KCNMA1: variants seen among roughly 807,000 people sequenced by gnomAD.
The protein encoded by KCNMA1 is potassium calcium-activated channel subfamily M alpha 1.
Under a neutral mutation model 140.0 loss-of-function variants are expected in KCNMA1, and 29 were observed. The observed-to-expected ratio is 0.21, with a 90% CI of 0.15 to 0.28. The LOEUF is 0.28. KCNMA1 is among the 10% of genes least tolerant of loss of function. The pLI, the probability that KCNMA1 is intolerant of heterozygous loss-of-function variation, is 1.00. For synonymous variants in KCNMA1, 612 were observed against 611.9 expected, an observed-to-expected ratio of 1.00 and a Z score of 0.00; for missense variants, 880 against 1,602.2, an observed-to-expected ratio of 0.55 and a Z score of 7.70.
At chr10:77,401,315 C>T (rs1317231023) in intron 2 of KCNMA1, among the ~76,000 whole-genome samples, 3 of 152,056 alleles carry the variant, frequency 2.0e-5, no homozygotes, top group Non-Finnish European at 2.9e-5. Context: ...CGCCACCACA[C>T]TGGCTAATTT....
chr10:77,303,010 C>A (rs1390960710), intron 2 of KCNMA1, among the ~76,000 whole-genome samples: 2 of 152,218 alleles, frequency 1.3e-5, no homozygotes, highest in East Asian at 3.9e-4. Context: ...TCACTGAGTT[C>A]AAATCCCCAT....
At chr10:77,134,262 C>A (rs959790461) in intron 5 of KCNMA1, among the ~76,000 whole-genome samples, 1 of 151,998 alleles carries the variant, frequency 6.6e-6, no homozygotes, top group Non-Finnish European at 1.5e-5. Context: ...TGTTTAAAAT[C>A]ATAATAAACA....
At chr10:77,296,912 C>A (rs817988) in intron 2 of KCNMA1, among the ~76,000 whole-genome samples, 16 of 136,696 alleles carry the variant, frequency 1.2e-4, no homozygotes, top group South Asian at 5.2e-4. Context: ...GGTGTGTGGG[C>A]GGGGGGGCGG....
At chr10:76,928,309 ACG>A (rs10558950) in intron 23 of KCNMA1, among the ~76,000 whole-genome samples, 47,576 of 95,662 alleles carry the variant, frequency 0.5, 8,228 homozygotes, top group Admixed American at 0.58. Flanking sequence ...ACACACACAC[ACG>A]CACATACACA....
At position 77,083,500 on chromosome 10, in the gene KCNMA1, G is replaced by GT. The variant is rs961022976; in HGVS notation, c.1523+1136dup. Among the ~76,000 whole-genome samples, 70 of 91,592 alleles carry GT rather than the reference G, an allele frequency of 7.6e-4. 1 individual carries two copies. The East Asian group carries it at 0.025, about 33-fold the overall frequency. 60.1% of individuals were successfully genotyped at this position (91,592 alleles called of 152,430 possible). ...CAGTATGACCTCCCCTAGATGTTCT[G>GT]TAAAAAAAAAAAAAAAAAAAAAAGG... On this transcript the variant is annotated intron_variant, in intron 12 of 27. Coordinates refer to ENST00000286628, the MANE Select transcript of KCNMA1 (RefSeq NM_001161352.2).
At chr10:76,916,876 C>T (rs985627856) in intron 23 of KCNMA1, among the ~76,000 whole-genome samples, 2 of 152,200 alleles carry the variant, frequency 1.3e-5, no homozygotes, top group African/African-American at 4.8e-5. Context: ...CCCGTGTATA[C>T]ATTTCTTATC....
chr10:77,320,556 G>T (rs1203299687), intron 2 of KCNMA1, among the ~76,000 whole-genome samples: 1 of 152,088 alleles, frequency 6.6e-6, no homozygotes, highest in Non-Finnish European at 1.5e-5. Flanking sequence ...GCCTGAGCAG[G>T]CCAGTCCACT....
At chr10:77,345,575 C>A (rs914340049) in intron 2 of KCNMA1, among the ~76,000 whole-genome samples, 3 of 152,156 alleles carry the variant, frequency 2.0e-5, no homozygotes, top group African/African-American at 7.2e-5. Context: ...GGGACAAATG[C>A]CAACATAGAA....
chr10:77,431,780 G>A (rs1483199414), intron 1 of KCNMA1, among the ~76,000 whole-genome samples: 3 of 150,412 alleles, frequency 2.0e-5, no homozygotes, highest in Non-Finnish European at 4.4e-5. Context: ...GATGGATCAC[G>A]AGGTTAGGAG....
chr10:77,211,863 C>T (rs897447109), intron 3 of KCNMA1, among the ~76,000 whole-genome samples: 5 of 152,172 alleles, frequency 3.3e-5, no homozygotes, highest in African/African-American at 1.2e-4. Context: ...CATCACTAAT[C>T]GTCAGAGAAA....
intron 12 of KCNMA1, among the ~76,000 whole-genome samples, chr10:77,080,258 A>G (rs2153735282): frequency 6.6e-6 from 1 of 152,336 alleles, no homozygotes; most frequent in East Asian, 1.9e-4. Flanking sequence ...CATGCAATTA[A>G]AAGTAGGTAT....
chr10:77,018,875 C>T (rs534877015), intron 17 of KCNMA1, 138 bp downstream of exon 17: 33 of 682,616 alleles, frequency 4.8e-5, no homozygotes, highest in Admixed American at 2.9e-4. Context: ...AACTGGAGTC[C>T]GTGGAAGTTT....
At chr10:76,914,801 C>A in intron 24 of KCNMA1, 135 bp downstream of exon 24, 1 of 706,806 alleles carries the variant, frequency 1.4e-6, no homozygotes, top group Non-Finnish European at 2.6e-6. Context: ...CCATACCTTC[C>A]TCCCAGCCCC....
intron 2 of KCNMA1, among the ~76,000 whole-genome samples, chr10:77,327,456 C>A (rs553549745): frequency 1.5e-4 from 23 of 152,102 alleles, no homozygotes; most frequent in African/African-American, 4.8e-4. Context: ...TGGGTTCAAG[C>A]GATTCTCCTA....
chr10:77,522,429 A>G (rs2053779963), intron 1 of KCNMA1, among the ~76,000 whole-genome samples: 1 of 152,028 alleles, frequency 6.6e-6, no homozygotes, highest in African/African-American at 2.4e-5. Flanking sequence ...AACACTCTCC[A>G]CCTGCCCCAA....
intron 26 of KCNMA1, 24 bp downstream of exon 26, chr10:76,891,501 G>T (rs369815536): frequency 1.6e-5 from 26 of 1,598,316 alleles, no homozygotes; most frequent in Non-Finnish European, 1.6e-5. Flanking sequence ...GCAAGCTCAG[G>T]TGACCTCGGT....
rs1192982815 is a variant in KCNMA1 at position 77,295,807 on chromosome 10, A to C, written c.541-44551T>G. ...CGTCTCAAAAAAAAAAAAAAAAAAA[A>C]AAAAAAAAAACAGTTTTCAGCTCTG... On this transcript the variant is annotated intron_variant, in intron 2 of 27. Coordinates refer to ENST00000286628, the MANE Select transcript of KCNMA1 (RefSeq NM_001161352.2). Among the ~76,000 whole-genome samples the C allele has an allele frequency of 3.3e-5, 5 of 150,440 alleles. No individual in the cohort carries two copies. In the East Asian group the frequency reaches 5.8e-4, roughly 17 times the overall value.
chr10:77,157,921 G>A (rs1369967182), intron 5 of KCNMA1, among the ~76,000 whole-genome samples: 1 of 152,130 alleles, frequency 6.6e-6, no homozygotes, highest in Non-Finnish European at 1.5e-5. Context: ...CCTTAGCGAT[G>A]GGCTGCCTCC....
chr10:76,925,882 C>T (rs987651200), intron 23 of KCNMA1, among the ~76,000 whole-genome samples: 16 of 152,156 alleles, frequency 1.1e-4, no homozygotes, highest in African/African-American at 3.6e-4. Flanking sequence ...TGATCCAAGG[C>T]CTTGCCATGA....
Sources: gnomAD v4.1 joint callset for allele counts (sites outside exome capture counted in the v4.1 genomes callset) on GRCh38, gnomAD v4.1.1 for gene constraint, MANE v1.5 for transcripts, NCBI Gene and HGNC (gene_info 2026-07-23, HGNC 2026-07-21) for gene names.